RRM2: variants seen among roughly 807,000 people sequenced by gnomAD.
RRM2 encodes the protein ribonucleotide reductase regulatory subunit M2.
In RRM2, 6 loss-of-function variants were observed where a neutral mutation model predicts 45.9. The observed-to-expected ratio is 0.13, with a 90% CI of 0.07 to 0.26. RRM2 has a LOEUF of 0.26. Ranked by LOEUF, RRM2 falls within the 10% of genes least tolerant of loss-of-function variation. RRM2 has a pLI of 1.00. For synonymous variants in RRM2, 177 were observed against 173.0 expected (o/e 1.02, Z -0.18); for missense variants, 343 against 489.5 (o/e 0.70, Z 2.82).
intron 4 of RRM2, chr2:10,124,139 ACT>A (rs1314247239): frequency 3.3e-6 from 1 of 303,512 alleles, no homozygotes; most frequent in Non-Finnish European, 6.1e-6. Context: ...ACAGAGTCTC[ACT>A]CTGGCCCAGG....
chr2:10,141,132 G>A (rs1019884256), upstream of RRM2, among the ~76,000 whole-genome samples: 2 of 152,298 alleles, frequency 1.3e-5, no homozygotes, highest in South Asian at 2.1e-4. Flanking sequence ...TTGGGATTTC[G>A]TGGAGAGGTG....
Position 10,129,563 on chromosome 2 carries a change from A to G in RRM2, c.*177A>G, listed in dbSNP as rs1250803716. 2.7e-5 allele frequency: 18 copies of G among 674,492 alleles called. No homozygotes were observed. The highest frequency in any genetic ancestry group is 4.2e-5 in the Non-Finnish European group (17 of 409,214). The allele number at this position is 674,492 out of a possible 1,614,324, so 41.8% of individuals were successfully genotyped here. ...CCTGTCTGTTTATAGTGCTGGTAGT[A>G]TCACCTTTTGCCAGAAGGCCTGGCT... On this transcript the variant is annotated 3_prime_UTR_variant, in exon 10 of 10. Coordinates refer to ENST00000304567, the MANE Select transcript of RRM2 (RefSeq NM_001034.4). The surrounding 1 kb of genome is among the most constrained non-coding windows in gnomAD (Gnocchi z 4.8).
Position 10,169,147 on chromosome 2 carries a change from A to AT in RRM2, n.482+26787dup, listed in dbSNP as rs35438376. Among the ~76,000 whole-genome samples the AT allele has an allele frequency of 0.32, 44,312 of 137,382 alleles. 7,819 individuals carry two copies. Among genetic ancestry groups the AT allele is most frequent in the South Asian group, 0.48 (2,082 of 4,330 alleles). The allele number at this position is 137,382 out of a possible 152,430, so 90.1% of individuals were successfully genotyped here. A position where few individuals can be genotyped will look rare whatever the true frequency, so the allele number is the denominator to read the frequency against. ...GTCACCATGCCCAGCTACTTTTTGTATTTTTTTTTTTTTTTGTAGAGATGG... is the reference window on the plus strand; with the variant it reads ...GTCACCATGCCCAGCTACTTTTTGTATTTTTTTTTTTTTTTTGTAGAGATGG... On this transcript the variant is annotated intron_variant and non_coding_transcript_variant, in intron 3 of 3. Coordinates refer to the RRM2 transcript ENST00000381786. The surrounding 1 kb of genome is among the most constrained non-coding windows in gnomAD (Gnocchi z 5.1).
At chr2:10,199,779 C>CA (rs796262395) in intron 3 of RRM2, among the ~76,000 whole-genome samples, 45 of 14,256 alleles carry the variant, frequency 3.2e-3, no homozygotes, top group Admixed American at 7.2e-3. Context: ...GACTCAGTCT[C>CA]AAAAAAAAAA....
chr2:10,200,853 A>T (rs1294743144), intron 3 of RRM2, among the ~76,000 whole-genome samples: 1 of 152,210 alleles, frequency 6.6e-6, no homozygotes, highest in African/African-American at 2.4e-5. Flanking sequence ...CCATAAAAGA[A>T]AACAGACTTT....
chr2:10,209,855 A>G lies in RRM2; in HGVS notation n.483-456A>G, dbSNP rs374286431. 3.9e-5 allele frequency among the ~76,000 whole-genome samples: 6 copies of G among 152,312 alleles called. No homozygotes were observed. The East Asian group carries it at 9.7e-4, about 25-fold the overall frequency. ...TTACTCCCAGAATGGCGAAGGTGGC[A>G]AAGAGTCCCCATAGCTGGTGTTGTT... On this transcript the variant is annotated intron_variant and non_coding_transcript_variant, in intron 3 of 3. Coordinates refer to the RRM2 transcript ENST00000381786.
intron 3 of RRM2, among the ~76,000 whole-genome samples, chr2:10,163,614 G>A (rs1159164738): frequency 6.6e-6 from 1 of 152,202 alleles, no homozygotes; most frequent in East Asian, 1.9e-4. Flanking sequence ...TGGCGGGTGG[G>A]AACTATGGGG....
At chr2:10,199,956 C>T (rs7592001) in intron 3 of RRM2, among the ~76,000 whole-genome samples, 82,762 of 151,524 alleles carry the variant, frequency 0.55, 23,233 homozygotes, top group East Asian at 0.9. Flanking sequence ...GCCTTACTTC[C>T]TGAGTAGCTG....
At chr2:10,173,858 C>A (rs972691715) in intron 3 of RRM2, among the ~76,000 whole-genome samples, 1 of 152,240 alleles carries the variant, frequency 6.6e-6, no homozygotes, top group Non-Finnish European at 1.5e-5. Flanking sequence ...GGACCTAGAT[C>A]TGCCTGGGTG....
At chr2:10,152,034 C>T (rs1368322615) in intron 3 of RRM2, among the ~76,000 whole-genome samples, 3 of 151,858 alleles carry the variant, frequency 2.0e-5, no homozygotes, top group South Asian at 2.1e-4. Context: ...CTGCAAGCTC[C>T]GCCTCCCAGG....
chr2:10,125,016 C>T (rs1662750145), intron 5 of RRM2, 166 bp downstream of exon 5: 2 of 569,346 alleles, frequency 3.5e-6, no homozygotes, highest in Middle Eastern at 4.3e-4. Flanking sequence ...GGCCTAAATG[C>T]ACTTTATTAT....
chr2:10,143,075 G>A (rs1022893565), intron 3 of RRM2, among the ~76,000 whole-genome samples: 1 of 152,152 alleles, frequency 6.6e-6, no homozygotes, highest in South Asian at 2.1e-4. Flanking sequence ...GAGTTTCACC[G>A]TGTTAGCCAG....
rs367602479 is a variant in RRM2 at position 10,123,024 on chromosome 2, C to A, written c.141C>A (p.Thr47=). The part of the protein sequence containing the change: ...LSGTRVLASK[T]ARRIFQEPTE... ...GGACCCGCGTCCTGGCCAGCAAGACCGCGAGGAGGATCTTCCAGGAGCCCA... is the reference window on the plus strand; with the variant it reads ...GGACCCGCGTCCTGGCCAGCAAGACAGCGAGGAGGATCTTCCAGGAGCCCA... Residue 47 remains threonine, a synonymous_variant, in exon 2 of 10, where the codon ACC becomes ACA. Coordinates refer to ENST00000304567, the MANE Select transcript of RRM2 (RefSeq NM_001034.4). 170 of 1,567,044 alleles carry A rather than the reference C, an allele frequency of 1.1e-4. No homozygotes were observed. In the East Asian group the frequency reaches 1.6e-3, roughly 15 times the overall value.
chr2:10,183,900 C>A (rs1009854731), intron 3 of RRM2, among the ~76,000 whole-genome samples: 4 of 151,650 alleles, frequency 2.6e-5, no homozygotes, highest in African/African-American at 7.2e-5. Context: ...CCATCCTGCC[C>A]AACATGGTGA....
exon 2 of RRM2, chr2:10,141,885 G>A: frequency 6.4e-7 from 1 of 1,570,534 alleles, no homozygotes; most frequent in Non-Finnish European, 8.6e-7. Context: ...CAAAGCAGAT[G>A]GAGTCCAGGC....
chr2:10,210,591 C>T (rs1664744187), exon 4 of RRM2: 2 of 1,365,204 alleles, frequency 1.5e-6, no homozygotes, highest in Non-Finnish European at 2.0e-6. Flanking sequence ...CCCCCAGGGC[C>T]CCATAGACAG....
At chr2:10,165,226 C>T (rs1026363481) in intron 3 of RRM2, among the ~76,000 whole-genome samples, 4 of 152,240 alleles carry the variant, frequency 2.6e-5, no homozygotes, top group African/African-American at 9.6e-5. Flanking sequence ...GTTGGGATTC[C>T]AGGCATGAGC....
rs753801954 is a variant in RRM2 at position 10,186,504 on chromosome 2, C to T, written n.483-23807C>T. Among the ~76,000 whole-genome samples, 87 of 150,940 alleles carry T rather than the reference C, an allele frequency of 5.8e-4. 4 individuals are homozygous for T. The highest frequency in any genetic ancestry group is 6.6e-4 in the Admixed American group (10 of 15,186). On this transcript the variant is annotated intron_variant and non_coding_transcript_variant, in intron 3 of 3. Transcript: ENST00000381786. ...GGAAGCAGATTCATTCTTTTCCTAGCCAAAGCCTGGTGAACCGTAGTGTGT... is the reference window on the plus strand; with the variant it reads ...GGAAGCAGATTCATTCTTTTCCTAGTCAAAGCCTGGTGAACCGTAGTGTGT...
intron 3 of RRM2, among the ~76,000 whole-genome samples, chr2:10,175,516 T>G (rs1372991451): frequency 6.6e-6 from 1 of 152,232 alleles, no homozygotes; most frequent in Non-Finnish European, 1.5e-5. Flanking sequence ...TCCATACTCA[T>G]TAAACACTAA....
Sources: gnomAD v4.1 joint callset for allele counts (sites outside exome capture counted in the v4.1 genomes callset) on GRCh38, gnomAD v4.1.1 for gene constraint, Gnocchi (gnomAD v3.1) non-coding constraint, MANE v1.5 for transcripts, NCBI Gene and HGNC (gene_info 2026-07-23, HGNC 2026-07-21) for gene names.